The following AKT3 variants were observed in gnomAD, a reference collection of about 807,000 sequenced individuals.
The protein encoded by AKT3 is RAC-gamma serine/threonine-protein kinase.
A neutral mutation model predicts 65.3 loss-of-function variants in AKT3; 15 were observed. The observed-to-expected ratio is 0.23, with a 90% CI of 0.15 to 0.35. AKT3 has a LOEUF of 0.35. Ranked by LOEUF, AKT3 falls within the 10% of genes least tolerant of loss-of-function variation. The pLI is 1.00. For missense variants in AKT3, 243 were observed against 576.5 expected (o/e 0.42, Z 5.92); for synonymous variants, 206 against 183.8 (o/e 1.12, Z -0.98).
At chr1:243,830,914 T>C (rs10927081) in intron 2 of AKT3, among the ~76,000 whole-genome samples, 76,274 of 151,992 alleles carry the variant, frequency 0.5, 23,481 homozygotes, top group Non-Finnish European at 0.68. Flanking sequence ...AATCTACCAA[T>C]TCCTACCCTG....
intron 2 of AKT3, among the ~76,000 whole-genome samples, chr1:243,759,704 C>G (rs1689368915): frequency 6.6e-6 from 1 of 151,910 alleles, no homozygotes; most frequent in Non-Finnish European, 1.5e-5. Flanking sequence ...AATCTTATAA[C>G]AACTGTAGTA....
Position 243,502,642 on chromosome 1 carries a change from C to T in AKT3, c.*2607G>A. The T allele has an allele frequency of 4.3e-6, 1 of 233,220 alleles. No homozygotes were observed. Among genetic ancestry groups the T allele is most frequent in the East Asian group, 6.0e-5 (1 of 16,588 alleles). 14.4% of individuals were successfully genotyped at this position (233,220 alleles called of 1,614,324 possible). A position where few individuals can be genotyped will look rare whatever the true frequency, so the allele number is the denominator to read the frequency against. Reference sequence around the variant, plus strand: ...CACGCATTTCTGGTTTTCTATTATTCCTCCATGGCAGCTGACAGATCTGGA... The same window carrying T: ...CACGCATTTCTGGTTTTCTATTATTTCTCCATGGCAGCTGACAGATCTGGA... On this transcript the variant is annotated 3_prime_UTR_variant, in exon 14 of 14. Transcript: ENST00000673466.
chr1:243,598,571 C>CAGTTTAGTAAGTGAACA (rs1217985797), intron 8 of AKT3, among the ~76,000 whole-genome samples: 1 of 152,134 alleles, frequency 6.6e-6, no homozygotes, highest in Non-Finnish European at 1.5e-5. Context: ...TGTACTCCCA[C>CAGTTTAGTAAGTGAACA]GGTTTAGTAA....
intron 1 of AKT3, among the ~76,000 whole-genome samples, chr1:243,847,257 G>A (rs954931392): frequency 2.0e-5 from 3 of 152,062 alleles, no homozygotes; most frequent in Admixed American, 6.5e-5. Flanking sequence ...GCATTTTGTT[G>A]CTCAAATCTA....
chr1:243,512,256 T>C, intron 13 of AKT3, 68 bp downstream of exon 13: 3 of 831,166 alleles, frequency 3.6e-6, no homozygotes, highest in Middle Eastern at 3.6e-4. Flanking sequence ...TTTAAAAGAC[T>C]GTTTTCTTCA....
At chr1:243,661,361 T>G (rs1156246558) in intron 4 of AKT3, among the ~76,000 whole-genome samples, 5 of 152,094 alleles carry the variant, frequency 3.3e-5, no homozygotes, top group African/African-American at 4.8e-5. Flanking sequence ...AAAACAGAGA[T>G]ATAGATCAAT....
chr1:243,553,872 T>A (rs988576492), intron 10 of AKT3, among the ~76,000 whole-genome samples: 8 of 152,186 alleles, frequency 5.3e-5, no homozygotes, highest in Admixed American at 3.9e-4. Flanking sequence ...TATTTTATTT[T>A]AAAACTATAT....
chr1:243,527,638 C>T (rs2148403488), intron 12 of AKT3, among the ~76,000 whole-genome samples: 1 of 152,192 alleles, frequency 6.6e-6, no homozygotes, highest in African/African-American at 2.4e-5. Context: ...TCCCTCTGAG[C>T]CTATCCCTAC....
chr1:243,847,280 ATTTTTC>A (rs1323101720), intron 1 of AKT3, among the ~76,000 whole-genome samples: 2 of 152,130 alleles, frequency 1.3e-5, no homozygotes, highest in Non-Finnish European at 2.9e-5. Context: ...ATAGTTTTAA[ATTTTTC>A]TTTTTAACAC....
Position 243,593,475 on chromosome 1 carries a change from G to C in AKT3, c.696+20196C>G, listed in dbSNP as rs556238459. ...GCCTAGGTGCGTGGATCACTTGAGG[G>C]TAAGAGTTCGAGAGCAATCTAGCTA... On this transcript the variant is annotated intron_variant, in intron 8 of 13. Coordinates refer to ENST00000673466, the MANE Select transcript of AKT3 (RefSeq NM_005465.7). 3.0e-4 allele frequency among the ~76,000 whole-genome samples: 45 copies of C among 152,188 alleles called. No individual in the cohort carries two copies. The East Asian group carries it at 5.0e-3, about 17-fold the overall frequency.
At chr1:243,527,896 C>CAAGCAAGACTCCATCTCTTAAA (rs1558589998) in intron 12 of AKT3, among the ~76,000 whole-genome samples, 13 of 104,622 alleles carry the variant, frequency 1.2e-4, no homozygotes, top group African/African-American at 3.9e-4. Flanking sequence ...CACACACACA[C>CAAGCAAGACTCCATCTCTTAAA]ACACACACAC....
At chr1:243,642,559 T>TC (rs1334203433) in intron 5 of AKT3, among the ~76,000 whole-genome samples, 1 of 152,214 alleles carries the variant, frequency 6.6e-6, no homozygotes, top group Non-Finnish European at 1.5e-5. Flanking sequence ...TCCGCCCACC[T>TC]TGGCCTCCCA....
chr1:243,723,817 A>T (rs1451534418), intron 2 of AKT3, among the ~76,000 whole-genome samples: 2 of 152,122 alleles, frequency 1.3e-5, no homozygotes, highest in Non-Finnish European at 2.9e-5. Flanking sequence ...GCTACTTGGG[A>T]GTCTGAGGTG....
At chr1:243,582,196 T>C (rs1365481302) in intron 8 of AKT3, among the ~76,000 whole-genome samples, 3 of 151,998 alleles carry the variant, frequency 2.0e-5, no homozygotes, top group Admixed American at 6.6e-5. Context: ...AAGAAAACTT[T>C]GGTAATCTTG....
At chr1:243,824,197 G>A (rs1314435768) in intron 2 of AKT3, among the ~76,000 whole-genome samples, 1 of 152,146 alleles carries the variant, frequency 6.6e-6, no homozygotes, top group African/African-American at 2.4e-5. Flanking sequence ...AGGAGAACTG[G>A]CTAGCCATAT....
rs143984828 is a variant in AKT3, at chr1:243,643,656, C to T, written c.429+2237G>A. Among the ~76,000 whole-genome samples, 17 of 152,256 alleles carry T rather than the reference C, an allele frequency of 1.1e-4. No homozygotes were observed. In the East Asian group the frequency reaches 2.1e-3, roughly 19 times the overall value. On this transcript the variant is annotated intron_variant, in intron 5 of 13. Transcript: ENST00000673466. ...TTAACTGGCAGAGCAGACACTGTGG[C>T]GATAATCCACCACTAAGGGAGGTAA...
chr1:243,578,570 C>CT (rs1675113994), intron 8 of AKT3, among the ~76,000 whole-genome samples: 1 of 152,108 alleles, frequency 6.6e-6, no homozygotes, highest in Non-Finnish European at 1.5e-5. Context: ...GGAAAAATGG[C>CT]TAATGCATGC....
At chr1:243,659,293 G>A (rs995776683) in intron 4 of AKT3, among the ~76,000 whole-genome samples, 1 of 152,140 alleles carries the variant, frequency 6.6e-6, no homozygotes, top group Non-Finnish European at 1.5e-5. Context: ...ACTGTTCAAT[G>A]GGAACAGAGG....
chr1:243,616,992 G>C (rs895712211), intron 6 of AKT3, among the ~76,000 whole-genome samples: 4 of 152,150 alleles, frequency 2.6e-5, no homozygotes, highest in African/African-American at 9.7e-5. Context: ...AAGCAGAAAT[G>C]ACACCAGAAC....
Sources: gnomAD v4.1 joint callset for allele counts (sites outside exome capture counted in the v4.1 genomes callset) on GRCh38, gnomAD v4.1.1 for gene constraint, MANE v1.5 for transcripts, NCBI Gene and HGNC (gene_info 2026-07-23, HGNC 2026-07-21) for gene names.